Variants in C10orf90 observed in about 807,000 individuals in gnomAD.
The protein encoded by C10orf90 is (E2-independent) E3 ubiquitin-conjugating enzyme FATS.
A neutral mutation model predicts 62.5 loss-of-function variants in C10orf90; 56 were observed. The observed-to-expected ratio is 0.90, with a 90% CI of 0.72 to 1.12. C10orf90 has a LOEUF of 1.12. C10orf90 is among the 50% of genes most tolerant of loss of function. The pLI is 0.00. For synonymous variants in C10orf90, 386 were observed against 340.4 expected, an observed-to-expected ratio of 1.13 and a Z score of -1.47; for missense variants, 970 against 880.4, an observed-to-expected ratio of 1.10 and a Z score of -1.29.
chr10:126,557,473 C>A (rs1864803489), intron 2 of C10orf90, among the ~76,000 whole-genome samples: 1 of 82,362 alleles, frequency 1.2e-5, no homozygotes, highest in Non-Finnish European at 2.7e-5. Context: ...GAGCGAGACT[C>A]CATCTCAAAA....
chr10:126,480,230 G>A (rs147941360), intron 4 of C10orf90, among the ~76,000 whole-genome samples: 21 of 152,308 alleles, frequency 1.4e-4, no homozygotes, highest in East Asian at 1.2e-3. Flanking sequence ...TTACAGTAAC[G>A]TTTAAAGTGT....
At chr10:126,515,047 T>C (rs1442626655) in intron 2 of C10orf90, among the ~76,000 whole-genome samples, 1 of 152,284 alleles carries the variant, frequency 6.6e-6, no homozygotes. Context: ...CTCCCTAGAG[T>C]TCTGCCTTTA....
intron 3 of C10orf90, among the ~76,000 whole-genome samples, chr10:126,512,416 G>C (rs1011586426): frequency 2.0e-5 from 3 of 147,540 alleles, no homozygotes; most frequent in African/African-American, 7.5e-5. Context: ...GTGTGTCTGT[G>C]TGTGTGTGTG....
chr10:126,491,430 A>G lies in C10orf90; in HGVS notation c.1534+12527T>C, dbSNP rs562956715. Among the ~76,000 whole-genome samples, 5 of 152,322 alleles carry G rather than the reference A, an allele frequency of 3.3e-5. No individual in the cohort carries two copies. In the East Asian group the frequency reaches 5.8e-4, roughly 18 times the overall value. On this transcript the variant is annotated intron_variant, in intron 4 of 9. Transcript: ENST00000488181. ...AAAATGTGTGCACTTTAATATAAGTATATTATGTCTCCAAATAGCCAATGT... is the reference window on the plus strand; with the variant it reads ...AAAATGTGTGCACTTTAATATAAGTGTATTATGTCTCCAAATAGCCAATGT...
chr10:126,658,691 T>C (rs1222156894), intron 1 of C10orf90, among the ~76,000 whole-genome samples: 1 of 152,232 alleles, frequency 6.6e-6, no homozygotes, highest in African/African-American at 2.4e-5. Context: ...AGAGACAGGC[T>C]ACAGAATAGA....
intron 2 of C10orf90, among the ~76,000 whole-genome samples, chr10:126,592,196 A>G (rs932839501): frequency 6.6e-6 from 1 of 152,324 alleles, no homozygotes. Context: ...AGAAAAAACT[A>G]TTTTAAAATT....
intron 2 of C10orf90, among the ~76,000 whole-genome samples, chr10:126,613,097 C>T (rs1845472439): frequency 6.6e-6 from 1 of 152,234 alleles, no homozygotes; most frequent in East Asian, 1.9e-4. Context: ...GAGGCAAATA[C>T]CTCTTACAAT....
chr10:126,443,089 G>A (rs189416904), intron 7 of C10orf90, among the ~76,000 whole-genome samples: 208 of 151,796 alleles, frequency 1.4e-3, no homozygotes, highest in South Asian at 2.1e-3. Flanking sequence ...TTCTAACGTC[G>A]TCACACACCT....
chr10:126,658,773 G>C (rs1021432506), intron 1 of C10orf90, among the ~76,000 whole-genome samples: 1 of 152,110 alleles, frequency 6.6e-6, no homozygotes, highest in Non-Finnish European at 1.5e-5. Context: ...TTGATTGATT[G>C]ATTGATTGAA....
chr10:126,574,340 G>T (rs138012978), intron 2 of C10orf90, among the ~76,000 whole-genome samples: 70 of 152,080 alleles, frequency 4.6e-4, no homozygotes, highest in Admixed American at 1.3e-3. Flanking sequence ...AGGAAAAACG[G>T]TCAAAGGATA....
At chr10:126,503,279 G>C (rs73373040) in intron 4 of C10orf90, among the ~76,000 whole-genome samples, 15,636 of 152,134 alleles carry the variant, frequency 0.1, 1,678 homozygotes, top group African/African-American at 0.27. Flanking sequence ...AATTCTTCCC[G>C]GCCCTGGAAA....
intron 4 of C10orf90, among the ~76,000 whole-genome samples, chr10:126,481,880 T>A (rs1330593650): frequency 2.0e-5 from 3 of 152,234 alleles, no homozygotes; most frequent in Non-Finnish European, 4.4e-5. Flanking sequence ...ACTCTAATCT[T>A]CTTCCCACCT....
chr10:126,654,558 T>A (rs1407386013), intron 1 of C10orf90, among the ~76,000 whole-genome samples: 1 of 152,228 alleles, frequency 6.6e-6, no homozygotes. Flanking sequence ...CCACTCAAAC[T>A]TTCTCCATAT....
At position 126,458,999 on chromosome 10, in the gene C10orf90, C is replaced by T. The variant is rs751330040; in HGVS notation, c.2188+41G>A. 3.2e-6 allele frequency: 5 copies of T among 1,586,718 alleles called. No homozygotes were observed. The South Asian group carries it at 3.4e-5, about 11-fold the overall frequency. ...GCCTCCAGCTCCAGGAACCCCCCAT[C>T]CCTGGTCTTTTCCAGTCTCCACAAG... On this transcript the variant is annotated intron_variant, in intron 7 of 9. Coordinates refer to ENST00000488181, the MANE Select transcript of C10orf90 (RefSeq NM_001350921.2).
At chr10:126,661,642 C>T (rs897569138) in intron 1 of C10orf90, among the ~76,000 whole-genome samples, 1 of 151,774 alleles carries the variant, frequency 6.6e-6, no homozygotes, top group Non-Finnish European at 1.5e-5. Context: ...GTCTCTCCCT[C>T]TCTGAATCTC....
intron 2 of C10orf90, among the ~76,000 whole-genome samples, chr10:126,626,478 A>C (rs1845746069): frequency 6.6e-6 from 1 of 152,214 alleles, no homozygotes; most frequent in South Asian, 2.1e-4. Context: ...GGGTCAGTGC[A>C]AGAACCAAAG....
chr10:126,594,281 G>A lies in C10orf90; in HGVS notation c.313+52284C>T, dbSNP rs145578626. 5.5e-4 allele frequency among the ~76,000 whole-genome samples: 83 copies of A among 152,144 alleles called. No homozygotes were observed. In the East Asian group the frequency reaches 0.015, roughly 27 times the overall value. On this transcript the variant is annotated intron_variant, in intron 2 of 9. Coordinates refer to ENST00000488181, the MANE Select transcript of C10orf90 (RefSeq NM_001350921.2). Reference sequence around the variant, plus strand: ...AAAGGAGCAAAAATAGAGACAAATCGTGTGTCTGTGTGTGTGTCCATACAT... The same window carrying A: ...AAAGGAGCAAAAATAGAGACAAATCATGTGTCTGTGTGTGTGTCCATACAT...
intron 3 of C10orf90, among the ~76,000 whole-genome samples, chr10:126,508,044 A>T (rs562384162): frequency 3.9e-5 from 6 of 152,184 alleles, no homozygotes; most frequent in Admixed American, 3.9e-4. Context: ...GAAGAAAAAA[A>T]AAAAAAGACC....
chr10:126,476,764 T>A (rs548727306), intron 4 of C10orf90, among the ~76,000 whole-genome samples: 4 of 152,328 alleles, frequency 2.6e-5, no homozygotes, highest in South Asian at 4.1e-4. Context: ...CTTTGCCCCT[T>A]GAGACCACTT....
Sources: gnomAD v4.1 joint callset for allele counts (sites outside exome capture counted in the v4.1 genomes callset) on GRCh38, gnomAD v4.1.1 for gene constraint, MANE v1.5 for transcripts, NCBI Gene and HGNC (gene_info 2026-07-23, HGNC 2026-07-21) for gene names.